TAF1B: variants seen among roughly 807,000 people sequenced by gnomAD.
TAF1B encodes the protein TATA-box binding protein associated factor, RNA polymerase I subunit B, also known as TATA box-binding protein-associated factor RNA polymerase I subunit B.
TAF1B carries 61 observed loss-of-function variants against 83.9 expected under a neutral mutation model. The ratio of observed to expected loss-of-function variants is 0.73; its 90% CI spans 0.59 to 0.90. TAF1B has a LOEUF of 0.90. Ranked by LOEUF, TAF1B falls within the 40% of genes least tolerant of loss-of-function variation. TAF1B has a pLI of 0.00. For missense variants in TAF1B, 625 were observed against 677.0 expected, an observed-to-expected ratio of 0.92 and a Z score of 0.85; for synonymous variants, 221 against 224.6, an observed-to-expected ratio of 0.98 and a Z score of 0.14.
chr2:9,843,442 A>T (rs1663080708), upstream of TAF1B: 2 of 1,412,928 alleles, frequency 1.4e-6, no homozygotes, highest in Non-Finnish European at 1.9e-6. Context: ...CTAGGCGCGG[A>T]TCTCGCGTTT....
intron 12 of TAF1B, among the ~76,000 whole-genome samples, chr2:9,916,324 T>C (rs990988914): frequency 3.9e-5 from 6 of 152,260 alleles, no homozygotes; most frequent in Non-Finnish European, 8.8e-5. Context: ...TTTGTAGTTT[T>C]ATGTAATGAG....
At chr2:9,879,984 G>A (rs1303386427) in intron 7 of TAF1B, among the ~76,000 whole-genome samples, 3 of 152,140 alleles carry the variant, frequency 2.0e-5, no homozygotes, top group Non-Finnish European at 2.9e-5. Context: ...TCTGATTGAT[G>A]TTTTTAAAAG....
intron 7 of TAF1B, 48 bp from the exon 8 acceptor site, chr2:9,882,658 A>G (rs747131904): frequency 3.1e-6 from 4 of 1,277,552 alleles, no homozygotes; most frequent in South Asian, 1.4e-5. Flanking sequence ...TTACTCTGCT[A>G]TATCAGTATA....
chr2:9,882,308 C>T (rs1250530227), intron 7 of TAF1B, among the ~76,000 whole-genome samples: 1 of 152,120 alleles, frequency 6.6e-6, no homozygotes, highest in Non-Finnish European at 1.5e-5. Context: ...CCATATTGGC[C>T]AGGCTGGTCT....
rs1250185663 is a variant in TAF1B, at chr2:9,919,594, C to T, written c.1343-4C>T. 2.5e-6 allele frequency: 4 copies of T among 1,608,792 alleles called. No individual in the cohort carries two copies. The highest frequency in any genetic ancestry group is 3.4e-5 in the Admixed American group (2 of 58,964). On this transcript the variant is annotated splice_region_variant and splice_polypyrimidine_tract_variant and intron_variant, in intron 13 of 14. Coordinates refer to ENST00000263663, the MANE Select transcript of TAF1B (RefSeq NM_005680.3). ...TTTTGTTTCCTTTTTTTCTCCGGTT[C>T]CAGAAATGGTGGTGAATCTACAGAA...
At chr2:9,843,739 C>A in intron 1 of TAF1B, 180 bp downstream of exon 1, 1 of 617,800 alleles carries the variant, frequency 1.6e-6, no homozygotes, top group African/African-American at 2.0e-5. Flanking sequence ...GCGCGCGCGG[C>A]TTTGGTAAAG....
chr2:9,845,527 G>T, intron 2 of TAF1B: 1 of 461,778 alleles, frequency 2.2e-6, no homozygotes, highest in Non-Finnish European at 4.0e-6. Context: ...ATTATGTTGG[G>T]CCACATTTAT....
At chr2:9,864,037 A>G (rs1487836829) in intron 5 of TAF1B, among the ~76,000 whole-genome samples, 1 of 152,184 alleles carries the variant, frequency 6.6e-6, no homozygotes, top group Non-Finnish European at 1.5e-5. Flanking sequence ...AATTAAAAGA[A>G]CTAGAGAAAC....
chr2:9,874,547 C>T (rs1664263864), intron 6 of TAF1B, among the ~76,000 whole-genome samples: 1 of 152,068 alleles, frequency 6.6e-6, no homozygotes, highest in Admixed American at 6.6e-5. Flanking sequence ...GCTGGGATTA[C>T]AGGTGCACAC....
chr2:9,920,208 C>T (rs565271409), intron 14 of TAF1B, among the ~76,000 whole-genome samples: 2 of 152,082 alleles, frequency 1.3e-5, no homozygotes, highest in Non-Finnish European at 2.9e-5. Context: ...CTTAAGTGAC[C>T]ACAGTACAGT....
intron 5 of TAF1B, among the ~76,000 whole-genome samples, chr2:9,862,846 G>A (rs1663822268): frequency 6.6e-6 from 1 of 152,138 alleles, no homozygotes; most frequent in Non-Finnish European, 1.5e-5. Context: ...GCCAAACTAA[G>A]CTTCATAAGT....
chr2:9,908,795 A>G (rs995459768), intron 9 of TAF1B, among the ~76,000 whole-genome samples: 2 of 152,236 alleles, frequency 1.3e-5, no homozygotes, highest in Admixed American at 6.5e-5. Flanking sequence ...CAGCCTCTTC[A>G]CATTCAACAC....
intron 4 of TAF1B, chr2:9,852,069 C>T (rs1208919121): frequency 6.4e-6 from 3 of 470,448 alleles, no homozygotes; most frequent in African/African-American, 4.0e-5. Context: ...CTTTGGACAG[C>T]GATATGCTAA....
intron 8 of TAF1B, among the ~76,000 whole-genome samples, chr2:9,900,647 G>A (rs1248452414): frequency 2.0e-5 from 3 of 152,188 alleles, no homozygotes; most frequent in Non-Finnish European, 4.4e-5. Flanking sequence ...CTGGGGTAGA[G>A]TTGTTAAAGT....
chr2:9,879,559 A>G (rs892526600), intron 7 of TAF1B, among the ~76,000 whole-genome samples: 4 of 152,152 alleles, frequency 2.6e-5, no homozygotes, highest in Non-Finnish European at 5.9e-5. Flanking sequence ...AAAAAAGAGG[A>G]TGAGTGGGGA....
At chr2:9,852,324 A>G (rs1276450218) in intron 4 of TAF1B, among the ~76,000 whole-genome samples, 1 of 152,194 alleles carries the variant, frequency 6.6e-6, no homozygotes, top group East Asian at 1.9e-4. Flanking sequence ...TTCATCTAGT[A>G]AAAGTCATTT....
At chr2:9,876,056 T>A in intron 7 of TAF1B, 38 bp downstream of exon 7, 4 of 1,560,378 alleles carry the variant, frequency 2.6e-6, no homozygotes, top group Non-Finnish European at 2.6e-6. Flanking sequence ...TTTTTGCTGG[T>A]TACTACATGA....
At chr2:9,928,153 T>C (rs1666101537) in intron 14 of TAF1B, among the ~76,000 whole-genome samples, 1 of 152,232 alleles carries the variant, frequency 6.6e-6, no homozygotes, top group African/African-American at 2.4e-5. Context: ...TTGTCAGGTT[T>C]GTCAAAGATC....
chr2:9,878,105 G>C (rs1275629874), intron 7 of TAF1B, among the ~76,000 whole-genome samples: 1 of 152,102 alleles, frequency 6.6e-6, no homozygotes, highest in Non-Finnish European at 1.5e-5. Flanking sequence ...TATCACTTGG[G>C]AACTGGTTCG....
Sources: allele counts gnomAD v4.1 joint callset (sites outside exome capture counted in the v4.1 genomes callset), GRCh38; gene constraint gnomAD v4.1.1; transcripts MANE v1.5; gene names NCBI Gene and HGNC (gene_info 2026-07-23, HGNC 2026-07-21).